Variants in GABRB3 observed in about 807,000 individuals in gnomAD.
GABRB3 encodes gamma-aminobutyric acid receptor subunit beta-3.
In GABRB3, 14 loss-of-function variants were observed where a neutral mutation model predicts 52.1. That is an observed-to-expected ratio of 0.27 (90% CI 0.18 to 0.42). The LOEUF is 0.42. Ranked by LOEUF, GABRB3 falls within the 10% of genes least tolerant of loss-of-function variation. GABRB3 has a pLI of 1.00. For synonymous variants in GABRB3, 260 were observed against 232.3 expected (o/e 1.12, Z -1.08); for missense variants, 307 against 609.1 (o/e 0.50, Z 5.22).
At chr15:26,668,962 G>A (rs1362584473) in intron 3 of GABRB3, among the ~76,000 whole-genome samples, 1 of 152,086 alleles carries the variant, frequency 6.6e-6, no homozygotes, top group East Asian at 1.9e-4. Flanking sequence ...ACACCATATC[G>A]AACACAATGA....
At chr15:26,610,693 C>T (rs74004610) in intron 4 of GABRB3, among the ~76,000 whole-genome samples, 25,559 of 152,050 alleles carry the variant, frequency 0.17, 2,193 homozygotes, top group African/African-American at 0.22. Context: ...CTGGAAACTG[C>T]TTTACCTAAA....
chr15:26,622,280 T>A (rs111826080), intron 3 of GABRB3, among the ~76,000 whole-genome samples: 1,546 of 152,254 alleles, frequency 0.01, 23 homozygotes, highest in African/African-American at 0.035. Flanking sequence ...GGTTCTGCTT[T>A]CGTTTTGCCA....
intron 3 of GABRB3, chr15:26,629,196 G>A: frequency 1.4e-6 from 2 of 1,453,776 alleles, no homozygotes; most frequent in Non-Finnish European, 1.8e-6. Context: ...AGGGCTTTGC[G>A]AAGCGGCGGC....
chr15:26,547,691 T>C lies in GABRB3; in HGVS notation c.*102A>G. 1 of 853,014 alleles carries C rather than the reference T, an allele frequency of 1.2e-6. No individual in the cohort carries two copies. Among genetic ancestry groups the C allele is most frequent in the South Asian group, 1.4e-5 (1 of 71,390 alleles). The allele number at this position is 853,014 out of a possible 1,614,324, so 52.8% of individuals were successfully genotyped here. A position where few individuals can be genotyped will look rare whatever the true frequency, so the allele number is the denominator to read the frequency against. On this transcript the variant is annotated 3_prime_UTR_variant, in exon 9 of 9. Coordinates refer to ENST00000311550, the MANE Select transcript of GABRB3 (RefSeq NM_000814.6). ...AATTGCGTATGTATATATGTGTGTG[T>C]CTGCTTGTGTGTCTGTGTGTGTACA...
chr15:26,682,557 G>A (rs1478227930), intron 3 of GABRB3, among the ~76,000 whole-genome samples: 2 of 152,218 alleles, frequency 1.3e-5, no homozygotes, highest in African/African-American at 4.8e-5. Flanking sequence ...ACTCACTCTT[G>A]TGCTGGTAGG....
At chr15:26,606,843 T>TAGATAGATAGATA (rs1465390615) in intron 4 of GABRB3, among the ~76,000 whole-genome samples, 1 of 151,774 alleles carries the variant, frequency 6.6e-6, no homozygotes, top group Non-Finnish European at 1.5e-5. Context: ...GATAGATAGA[T>TAGATAGATAGATA]ATGGTTAAAG....
chr15:26,743,243 C>A (rs1890257171), intron 3 of GABRB3, among the ~76,000 whole-genome samples: 1 of 152,086 alleles, frequency 6.6e-6, no homozygotes, highest in Admixed American at 6.6e-5. Context: ...TTGTTTTCTC[C>A]TTGAAAATGG....
chr15:26,630,339 A>G (rs1892877622), intron 3 of GABRB3, among the ~76,000 whole-genome samples: 2 of 152,216 alleles, frequency 1.3e-5, no homozygotes, highest in Non-Finnish European at 2.9e-5. Flanking sequence ...ATGGGATTTA[A>G]TGGAGAGTGC....
intron 3 of GABRB3, among the ~76,000 whole-genome samples, chr15:26,730,273 C>A (rs1889872674): frequency 6.6e-6 from 1 of 152,060 alleles, no homozygotes. Flanking sequence ...GGATGAATAG[C>A]CGGGCGTGGT....
intron 3 of GABRB3, among the ~76,000 whole-genome samples, chr15:26,679,867 CTG>C (rs1311881498): frequency 6.6e-6 from 1 of 152,220 alleles, no homozygotes; most frequent in Non-Finnish European, 1.5e-5. Flanking sequence ...TGTGGAGAGA[CTG>C]AGCCCTGATC....
Position 26,547,380 on chromosome 15 carries a change from G to A in GABRB3, c.*413C>T, listed in dbSNP as rs1274072453. 4 of 415,578 alleles carry A rather than the reference G, an allele frequency of 9.6e-6. No individual in the cohort carries two copies. Among genetic ancestry groups the A allele is most frequent in the Non-Finnish European group, 1.7e-5 (4 of 235,790 alleles). The allele number at this position is 415,578 out of a possible 1,614,324, so 25.7% of individuals were successfully genotyped here. ...TTTTAAACTAAAACATCTAACTTATGATAATACAAGACACATTTGGGGATG... is the reference window on the plus strand; with the variant it reads ...TTTTAAACTAAAACATCTAACTTATAATAATACAAGACACATTTGGGGATG... On this transcript the variant is annotated 3_prime_UTR_variant, in exon 9 of 9. Coordinates refer to ENST00000311550, the MANE Select transcript of GABRB3 (RefSeq NM_000814.6).
intron 3 of GABRB3, among the ~76,000 whole-genome samples, chr15:26,738,075 G>T (rs575137219): frequency 1.3e-5 from 2 of 151,800 alleles, no homozygotes; most frequent in Admixed American, 6.6e-5. Flanking sequence ...TTTTGTTGTC[G>T]TTGTTCTTCT....
intron 3 of GABRB3, among the ~76,000 whole-genome samples, chr15:26,704,496 A>C (rs1889034607): frequency 6.6e-6 from 1 of 152,122 alleles, no homozygotes; most frequent in African/African-American, 2.4e-5. Flanking sequence ...TTTCTCTCCT[A>C]AACACATTTT....
At chr15:26,703,647 T>C (rs1316423487) in intron 3 of GABRB3, among the ~76,000 whole-genome samples, 1 of 152,026 alleles carries the variant, frequency 6.6e-6, no homozygotes, top group East Asian at 1.9e-4. Context: ...CAGCTGTGAG[T>C]CTGTGAAATC....
chr15:26,675,977 T>C (rs1888056253), intron 3 of GABRB3, among the ~76,000 whole-genome samples: 1 of 152,094 alleles, frequency 6.6e-6, no homozygotes, highest in South Asian at 2.1e-4. Flanking sequence ...AGTTGAGAAG[T>C]GAGTTCAGAA....
chr15:26,708,092 A>G (rs1889164268), intron 3 of GABRB3, among the ~76,000 whole-genome samples: 2 of 152,218 alleles, frequency 1.3e-5, no homozygotes, highest in African/African-American at 4.8e-5. Context: ...AAAAATACTC[A>G]GCCTATAATA....
chr15:26,670,162 ACGCCCCAACGC>A (rs1422294742), intron 3 of GABRB3, among the ~76,000 whole-genome samples: 1 of 152,150 alleles, frequency 6.6e-6, no homozygotes, highest in Admixed American at 6.5e-5. Flanking sequence ...GGAGACCGCT[ACGCCCCAACGC>A]GGGCTCAAGC....
intron 4 of GABRB3, among the ~76,000 whole-genome samples, chr15:26,618,102 A>G (rs1892331292): frequency 6.6e-6 from 1 of 152,142 alleles, no homozygotes; most frequent in African/African-American, 2.4e-5. Flanking sequence ...AAGGTAATTT[A>G]TAGATTCAAT....
Position 26,615,992 on chromosome 15 carries a change from C to T in GABRB3, c.461+5322G>A. The T allele has an allele frequency of 7.8e-7, 1 of 1,289,088 alleles. No homozygotes were observed. 79.9% of individuals were successfully genotyped at this position (1,289,088 alleles called of 1,614,324 possible). On this transcript the variant is annotated intron_variant, in intron 4 of 8. Transcript: ENST00000311550. Reference sequence around the variant, plus strand: ...ACAACCCCAGCTCTCTGCAAACCTTCCACCATGGGGAATTTAACTTCAGTG... The same window carrying T: ...ACAACCCCAGCTCTCTGCAAACCTTTCACCATGGGGAATTTAACTTCAGTG...
Sources: gnomAD v4.1 joint callset for allele counts (sites outside exome capture counted in the v4.1 genomes callset) on GRCh38, gnomAD v4.1.1 for gene constraint, MANE v1.5 for transcripts, NCBI Gene and HGNC (gene_info 2026-07-23, HGNC 2026-07-21) for gene names.